Variants in USP48 observed in about 807,000 individuals in gnomAD.
USP48 encodes ubiquitin specific peptidase 48, also known as ubiquitin carboxyl-terminal hydrolase 48.
USP48 carries 43 observed loss-of-function variants against 150.7 expected under a neutral mutation model. The observed-to-expected ratio is 0.29, with a 90% CI of 0.22 to 0.37. The LOEUF (loss-of-function observed/expected upper bound fraction) is 0.37, where lower values mean the gene tolerates loss of function less well. USP48 is among the 10% of genes least tolerant of loss of function. The pLI is 1.00. For missense variants in USP48, 813 were observed against 1,249.6 expected (o/e 0.65, Z 5.27); for synonymous variants, 396 against 425.9 (o/e 0.93, Z 0.86).
At chr1:21,746,930 G>A in intron 8 of USP48, 137 bp downstream of exon 8, 1 of 617,568 alleles carries the variant, frequency 1.6e-6, no homozygotes, top group South Asian at 2.4e-5. Context: ...AAAAGTCTTT[G>A]TTCCCAGACA....
At chr1:21,699,290 C>T (rs1020561571) in intron 22 of USP48, among the ~76,000 whole-genome samples, 4 of 149,868 alleles carry the variant, frequency 2.7e-5, no homozygotes, top group African/African-American at 9.8e-5. Flanking sequence ...GCTCCGCCTC[C>T]TGGGTTCACG....
At chr1:21,721,007 A>T (rs1280996615) in intron 14 of USP48, 29 bp downstream of exon 14, 1 of 1,584,550 alleles carries the variant, frequency 6.3e-7, no homozygotes, top group African/African-American at 1.5e-5. Flanking sequence ...TAGTTTCACA[A>T]TGATCTACAC....
At chr1:21,741,838 G>A (rs767490455) in intron 8 of USP48, among the ~76,000 whole-genome samples, 2 of 152,028 alleles carry the variant, frequency 1.3e-5, no homozygotes, top group African/African-American at 2.4e-5. Flanking sequence ...ACCAGACATG[G>A]TACTATACAC....
At chr1:21,756,927 T>A in intron 2 of USP48, 3 of 985,418 alleles carry the variant, frequency 3.0e-6, no homozygotes, top group Non-Finnish European at 3.6e-6. Context: ...GCATCACTGC[T>A]CATCTCTAGC....
chr1:21,691,718 A>T (rs1365629823), intron 23 of USP48, among the ~76,000 whole-genome samples: 1 of 152,194 alleles, frequency 6.6e-6, no homozygotes. Flanking sequence ...TTTGTTTTTT[A>T]AATTTTATCA....
intron 21 of USP48, among the ~76,000 whole-genome samples, chr1:21,702,016 G>T (rs2097658439): frequency 6.6e-6 from 1 of 152,168 alleles, no homozygotes; most frequent in Non-Finnish European, 1.5e-5. Flanking sequence ...GAAAACGAAA[G>T]ATGGAAGAAG....
At chr1:21,746,693 G>A (rs2097795375) in intron 8 of USP48, among the ~76,000 whole-genome samples, 1 of 152,144 alleles carries the variant, frequency 6.6e-6, no homozygotes, top group South Asian at 2.1e-4. Flanking sequence ...CTGGGACAAC[G>A]TTTTTAAAAA....
chr1:21,777,205 T>C (rs763708495), intron 1 of USP48, among the ~76,000 whole-genome samples: 4 of 151,354 alleles, frequency 2.6e-5, no homozygotes, highest in African/African-American at 4.9e-5. Context: ...GGAGGATGGC[T>C]TGAGCCCCTG....
intron 22 of USP48, among the ~76,000 whole-genome samples, chr1:21,698,158 G>A (rs1329872379): frequency 6.6e-6 from 1 of 152,072 alleles, no homozygotes; most frequent in Non-Finnish European, 1.5e-5. Flanking sequence ...GATGAGGAGG[G>A]TGACATTTTG....
At chr1:21,764,401 T>G (rs909084812) in intron 1 of USP48, among the ~76,000 whole-genome samples, 1 of 148,740 alleles carries the variant, frequency 6.7e-6, no homozygotes, top group East Asian at 2.0e-4. Flanking sequence ...ATCACGCCAC[T>G]GCACTCCAGC....
chr1:21,687,170 C>T (rs756628321), intron 25 of USP48, 21 bp downstream of exon 25: 19 of 1,610,152 alleles, frequency 1.2e-5, no homozygotes, highest in Admixed American at 1.2e-4. Flanking sequence ...CAGCAGATTC[C>T]TAAAACAAAT....
At chr1:21,748,471 T>C (rs568852336) in intron 6 of USP48, among the ~76,000 whole-genome samples, 200 bp from the exon 7 acceptor site, 7 of 152,350 alleles carry the variant, frequency 4.6e-5, no homozygotes, top group Non-Finnish European at 1.0e-4. Flanking sequence ...TACACTGATA[T>C]TTAAAACTGA....
intron 14 of USP48, among the ~76,000 whole-genome samples, chr1:21,719,618 C>A (rs918270749): frequency 6.6e-6 from 1 of 152,106 alleles, no homozygotes; most frequent in South Asian, 2.1e-4. Context: ...TGGTCAGGCA[C>A]GGTGGCTCAC....
intron 13 of USP48, 74 bp from the exon 14 acceptor site, chr1:21,721,240 A>G: frequency 5.1e-6 from 8 of 1,564,228 alleles, no homozygotes; most frequent in Non-Finnish European, 4.3e-6. Flanking sequence ...TGCCTGTAAA[A>G]ACAACTAAAG....
intron 25 of USP48, chr1:21,686,591 A>G (rs1395180522): frequency 6.6e-6 from 1 of 152,366 alleles, no homozygotes; most frequent in Non-Finnish European, 1.5e-5. Context: ...TTCCCTGGAG[A>G]GAAATCCCTT....
rs1027000388 is a variant in USP48 at position 21,728,818 on chromosome 1, T to G, written c.1301-99A>C. On this transcript the variant is annotated intron_variant, in intron 10 of 26. Coordinates refer to ENST00000308271, the MANE Select transcript of USP48 (RefSeq NM_032236.8). Reference sequence around the variant, plus strand: ...TCATATCAAATACTGATTAAAACATTGGCAGAAATTCCAACTATGGTCTCC... The same window carrying G: ...TCATATCAAATACTGATTAAAACATGGGCAGAAATTCCAACTATGGTCTCC... 1.9e-5 allele frequency: 27 copies of G among 1,405,538 alleles called. No homozygotes were observed. In the Admixed American group the frequency reaches 6.5e-4, roughly 34 times the overall value. The allele number at this position is 1,405,538 out of a possible 1,614,324, so 87.1% of individuals were successfully genotyped here. A position where few individuals can be genotyped will look rare whatever the true frequency, so the allele number is the denominator to read the frequency against.
chr1:21,709,384 G>A (rs189833512), intron 15 of USP48, among the ~76,000 whole-genome samples: 21 of 151,766 alleles, frequency 1.4e-4, no homozygotes, highest in African/African-American at 5.1e-4. Context: ...TTATTCTAAC[G>A]TGCCCATCCT....
intron 1 of USP48, among the ~76,000 whole-genome samples, chr1:21,773,911 A>G (rs978318799): frequency 6.6e-6 from 1 of 151,800 alleles, no homozygotes; most frequent in African/African-American, 2.4e-5. Flanking sequence ...GGCAAGGTGG[A>G]AGGACTGCTT....
At chr1:21,722,620 C>T (rs939567086) in intron 12 of USP48, among the ~76,000 whole-genome samples, 17 of 149,118 alleles carry the variant, frequency 1.1e-4, no homozygotes, top group Admixed American at 4.0e-4. Context: ...CGAGGCAGGT[C>T]AATCACTTGA....
Sources: allele counts gnomAD v4.1 joint callset (sites outside exome capture counted in the v4.1 genomes callset), GRCh38; gene constraint gnomAD v4.1.1; transcripts MANE v1.5; gene names NCBI Gene and HGNC (gene_info 2026-07-23, HGNC 2026-07-21).